LIMS1: variants seen among roughly 807,000 people sequenced by gnomAD.
LIMS1 encodes the protein LIM and senescent cell antigen-like-containing domain protein 1.
LIMS1 carries 18 observed loss-of-function variants against 44.1 expected under a neutral mutation model. That is an observed-to-expected ratio of 0.41 (90% CI 0.28 to 0.61). The LOEUF (loss-of-function observed/expected upper bound fraction) is 0.61. Among genes scored for constraint, LIMS1 ranks in the 20% least tolerant of loss-of-function variants. The pLI, the probability that LIMS1 is intolerant of heterozygous loss-of-function variation, is 0.32. For missense variants in LIMS1, 201 were observed against 422.0 expected (o/e 0.48, Z 4.59); for synonymous variants, 93 against 149.1 (o/e 0.62, Z 2.74).
chr2:108,663,013 G>A (rs532874617), intron 2 of LIMS1, among the ~76,000 whole-genome samples: 3 of 152,318 alleles, frequency 2.0e-5, no homozygotes, highest in South Asian at 2.1e-4. Context: ...TGGCCACAGA[G>A]GCAAGTATAG....
chr2:108,566,328 CAGA>C (rs1205111008), intron 1 of LIMS1, among the ~76,000 whole-genome samples: 8 of 152,172 alleles, frequency 5.3e-5, no homozygotes, highest in East Asian at 1.9e-4. Flanking sequence ...ATGCAATCCC[CAGA>C]AGAAGAATTA....
intron 1 of LIMS1, among the ~76,000 whole-genome samples, chr2:108,546,835 G>T (rs1196282733): frequency 6.6e-6 from 1 of 152,126 alleles, no homozygotes; most frequent in Non-Finnish European, 1.5e-5. Flanking sequence ...AATCATTTGG[G>T]TGTCAATACT....
chr2:108,605,620 A>C (rs1241382050), intron 1 of LIMS1, among the ~76,000 whole-genome samples: 1 of 152,164 alleles, frequency 6.6e-6, no homozygotes, highest in South Asian at 2.1e-4. Context: ...ACATGGCTTC[A>C]CATAAGCAGA....
chr2:108,648,181 G>A (rs192612873), intron 1 of LIMS1, among the ~76,000 whole-genome samples: 10 of 152,128 alleles, frequency 6.6e-5, no homozygotes, highest in East Asian at 1.9e-4. Context: ...ACAGACAAAC[G>A]GAGAGCCAAA....
intron 1 of LIMS1, among the ~76,000 whole-genome samples, chr2:108,597,096 G>A (rs529908995): frequency 2.0e-5 from 3 of 151,526 alleles, no homozygotes; most frequent in South Asian, 2.1e-4. Context: ...TTTAGTAGAA[G>A]TGGAGTTTCC....
chr2:108,550,518 A>T (rs10084394), intron 1 of LIMS1, among the ~76,000 whole-genome samples: 85,390 of 149,380 alleles, frequency 0.57, 25,114 homozygotes, highest in East Asian at 0.96. Flanking sequence ...ATAATAAAAA[A>T]AAATAAATAA....
chr2:108,618,967 AAGTCAGAGGGCAAGAATTGTTTC>A (rs1401837358), intron 1 of LIMS1, among the ~76,000 whole-genome samples: 1 of 152,030 alleles, frequency 6.6e-6, no homozygotes, highest in East Asian at 1.9e-4. Flanking sequence ...GCCTTTTTAA[AAGTCAGAGGGCAAGAATTGTTTC>A]AGCTCGTTTG....
At chr2:108,599,790 C>G (rs1270423743) in intron 1 of LIMS1, among the ~76,000 whole-genome samples, 1 of 151,880 alleles carries the variant, frequency 6.6e-6, no homozygotes, top group African/African-American at 2.4e-5. Context: ...GTATTGAGTA[C>G]CTTTTCATAG....
intron 5 of LIMS1, among the ~76,000 whole-genome samples, chr2:108,675,334 GA>G (rs1692461267): frequency 6.6e-6 from 1 of 151,754 alleles, no homozygotes; most frequent in South Asian, 2.1e-4. Flanking sequence ...GAGGAGGGGG[GA>G]AGGAAGAGAA....
intron 1 of LIMS1, among the ~76,000 whole-genome samples, chr2:108,540,285 G>A (rs1345039201): frequency 2.2e-5 from 3 of 136,342 alleles, no homozygotes; most frequent in Non-Finnish European, 3.0e-5. Flanking sequence ...TGCAGGCTCC[G>A]CCTCCCGGGT....
At chr2:108,612,557 C>G (rs1687713844) in intron 1 of LIMS1, among the ~76,000 whole-genome samples, 1 of 151,804 alleles carries the variant, frequency 6.6e-6, no homozygotes, top group South Asian at 2.1e-4. Flanking sequence ...AATTTGGACC[C>G]AAAGACTCCT....
At chr2:108,673,383 G>C (rs1034205044) in intron 5 of LIMS1, 1 of 325,774 alleles carries the variant, frequency 3.1e-6, no homozygotes, top group Admixed American at 4.8e-5. Flanking sequence ...GATACTTTTT[G>C]TAAATTTTTT....
intron 1 of LIMS1, among the ~76,000 whole-genome samples, chr2:108,545,934 A>C (rs1252591867): frequency 6.6e-6 from 1 of 152,328 alleles, no homozygotes; most frequent in East Asian, 1.9e-4. Flanking sequence ...TATTGAAGAC[A>C]TTGCAGGTCC....
At chr2:108,572,658 A>G (rs941310844) in intron 1 of LIMS1, among the ~76,000 whole-genome samples, 5 of 152,114 alleles carry the variant, frequency 3.3e-5, no homozygotes, top group African/African-American at 1.2e-4. Flanking sequence ...TGCTGGGATT[A>G]CATGCATGAG....
chr2:108,642,542 G>C (rs957579189), intron 1 of LIMS1, among the ~76,000 whole-genome samples: 1 of 151,580 alleles, frequency 6.6e-6, no homozygotes, highest in African/African-American at 2.4e-5. Context: ...TGTATTTTTC[G>C]TAGAGACGGG....
At chr2:108,565,040 C>G (rs1448899174) in intron 1 of LIMS1, among the ~76,000 whole-genome samples, 1 of 152,110 alleles carries the variant, frequency 6.6e-6, no homozygotes, top group Admixed American at 6.6e-5. Flanking sequence ...AATCTCTGAG[C>G]TTTCTCCAAG....
chr2:108,543,247 AT>A (rs1684371295), intron 1 of LIMS1, among the ~76,000 whole-genome samples: 1 of 152,126 alleles, frequency 6.6e-6, no homozygotes. Flanking sequence ...CCTGGGCAAC[AT>A]AGTGGTACCT....
At chr2:108,558,513 T>G (rs111995966) in intron 1 of LIMS1, among the ~76,000 whole-genome samples, 2,376 of 151,776 alleles carry the variant, frequency 0.016, 43 homozygotes, top group Non-Finnish European at 0.018. Flanking sequence ...CGGGACGATT[T>G]GTGCGTTTTT....
intron 1 of LIMS1, among the ~76,000 whole-genome samples, chr2:108,635,563 T>C (rs1558820479): frequency 6.6e-6 from 1 of 150,896 alleles, no homozygotes; most frequent in Non-Finnish European, 1.5e-5. Flanking sequence ...TAGTCAGGCG[T>C]GGTGGTGGGT....
Sources: gnomAD v4.1 joint callset for allele counts (sites outside exome capture counted in the v4.1 genomes callset) on GRCh38, gnomAD v4.1.1 for gene constraint, MANE v1.5 for transcripts, NCBI Gene and HGNC (gene_info 2026-07-23, HGNC 2026-07-21) for gene names.